PCDH15: variants seen among roughly 807,000 people sequenced by gnomAD.
PCDH15 encodes protocadherin-15.
A neutral mutation model predicts 178.5 loss-of-function variants in PCDH15; 129 were observed. The observed-to-expected ratio is 0.72, with a 90% confidence interval of 0.63 to 0.84. The LOEUF is 0.84. PCDH15 is among the 40% of genes least tolerant of loss of function. PCDH15 has a pLI of 0.00. For synonymous variants in PCDH15, 800 were observed against 732.0 expected, an observed-to-expected ratio of 1.09 and a Z score of -1.50; for missense variants, 2,230 against 2,099.9, an observed-to-expected ratio of 1.06 and a Z score of -1.21.
rs187462223 is a variant in PCDH15, at chr10:55,538,328, A to T, written c.-156+89297T>A. On this transcript the variant is annotated intron_variant, in intron 2 of 5. Transcript: ENST00000613346. ...TCACTCCTCCCCATCCAGACTAAATAGAGTTTTTCATAGACAAAAATGTTC... is the reference window on the plus strand; with the variant it reads ...TCACTCCTCCCCATCCAGACTAAATTGAGTTTTTCATAGACAAAAATGTTC... Among the ~76,000 whole-genome samples the T allele has an allele frequency of 4.5e-4, 68 of 152,344 alleles. 1 individual carries two copies. Among genetic ancestry groups the T allele is most frequent in the Non-Finnish European group, 7.6e-4 (52 of 68,028 alleles).
intron 2 of PCDH15, among the ~76,000 whole-genome samples, chr10:55,625,149 T>G (rs1459258541): frequency 6.6e-6 from 1 of 152,068 alleles, no homozygotes; most frequent in African/African-American, 2.4e-5. Flanking sequence ...TAACTTAAGA[T>G]TTTAATAATG....
intron 3 of PCDH15, among the ~76,000 whole-genome samples, chr10:54,815,731 T>C (rs575341232): frequency 6.6e-6 from 1 of 152,172 alleles, no homozygotes; most frequent in Non-Finnish European, 1.5e-5. Context: ...AAAAGTGGAA[T>C]TGCTTAATAT....
At chr10:53,816,530 TTAA>T (rs1311311374) in intron 34 of PCDH15, among the ~76,000 whole-genome samples, 7 of 152,210 alleles carry the variant, frequency 4.6e-5, no homozygotes, top group African/African-American at 1.4e-4. Context: ...TTTAATAGCC[TTAA>T]TAAACAGGAA....
chr10:55,602,587 C>T (rs1245129042), intron 2 of PCDH15, among the ~76,000 whole-genome samples: 3 of 152,030 alleles, frequency 2.0e-5, no homozygotes, highest in Non-Finnish European at 4.4e-5. Flanking sequence ...ACCGCTGACC[C>T]CCGAGCAGCC....
intron 32 of PCDH15, chr10:53,822,220 G>GA (rs1381184694): frequency 6.2e-7 from 1 of 1,613,994 alleles, no homozygotes; most frequent in Non-Finnish European, 8.5e-7. Context: ...TCTGTGGACA[G>GA]AAATGAAGCT....
chr10:53,961,063 T>C (rs2088252126), intron 22 of PCDH15, among the ~76,000 whole-genome samples: 1 of 152,078 alleles, frequency 6.6e-6, no homozygotes, highest in African/African-American at 2.4e-5. Context: ...TGAAGAAAAG[T>C]AAAATTTGAC....
At chr10:55,001,536 T>C (rs991479562) in intron 2 of PCDH15, among the ~76,000 whole-genome samples, 5 of 152,138 alleles carry the variant, frequency 3.3e-5, no homozygotes, top group African/African-American at 1.2e-4. Context: ...CTGTCAGTGG[T>C]ATGCCTGTTC....
At chr10:54,858,288 C>T (rs151143205) in intron 3 of PCDH15, among the ~76,000 whole-genome samples, 6 of 152,264 alleles carry the variant, frequency 3.9e-5, no homozygotes, top group South Asian at 2.1e-4. Flanking sequence ...ATACATACTA[C>T]GATATCTTTG....
At chr10:54,560,495 T>TC (rs2087968244) in intron 2 of PCDH15, among the ~76,000 whole-genome samples, 1 of 152,074 alleles carries the variant, frequency 6.6e-6, no homozygotes, top group Non-Finnish European at 1.5e-5. Context: ...TTTTTTTATG[T>TC]ACAACACTTT....
At chr10:54,134,891 G>A (rs1438722098) in intron 14 of PCDH15, among the ~76,000 whole-genome samples, 2 of 151,746 alleles carry the variant, frequency 1.3e-5, no homozygotes, top group Non-Finnish European at 2.9e-5. Flanking sequence ...AGAATAGTAA[G>A]CATAAAAGCT....
intron 11 of PCDH15, among the ~76,000 whole-genome samples, chr10:54,187,731 TTTG>T (rs1193970172): frequency 6.6e-6 from 1 of 151,854 alleles, no homozygotes; most frequent in Non-Finnish European, 1.5e-5. Context: ...CTCATTCTGT[TTTG>T]TTTAGTTAAT....
chr10:55,578,967 T>C (rs1163625805), intron 2 of PCDH15, among the ~76,000 whole-genome samples: 1 of 152,120 alleles, frequency 6.6e-6, no homozygotes, highest in Non-Finnish European at 1.5e-5. Context: ...CAAGATGAGA[T>C]TTGGGTGGAG....
At chr10:53,884,459 T>C (rs1056722188) in intron 26 of PCDH15, among the ~76,000 whole-genome samples, 8 of 152,148 alleles carry the variant, frequency 5.3e-5, no homozygotes, top group African/African-American at 1.4e-4. Flanking sequence ...GCAGAACATA[T>C]AGTCTTTAAC....
intron 3 of PCDH15, among the ~76,000 whole-genome samples, chr10:54,509,393 GT>G (rs2081446073): frequency 6.6e-6 from 1 of 152,104 alleles, no homozygotes; most frequent in Admixed American, 6.6e-5. Context: ...CATGAAAGAT[GT>G]GCTTTTTGTC....
At chr10:54,705,577 T>A (rs2132286670) in intron 1 of PCDH15, among the ~76,000 whole-genome samples, 1 of 152,282 alleles carries the variant, frequency 6.6e-6, no homozygotes, top group South Asian at 2.1e-4. Flanking sequence ...TACAACCTTT[T>A]GAATTTGTTT....
At chr10:54,753,985 T>TTA (rs1566134806) in intron 1 of PCDH15, among the ~76,000 whole-genome samples, 2 of 125,056 alleles carry the variant, frequency 1.6e-5, no homozygotes, top group Admixed American at 8.1e-5. Context: ...ATTTTTTTTT[T>TTA]TTATTATTAT....
At chr10:54,423,207 T>C (rs1955777976) in intron 3 of PCDH15, among the ~76,000 whole-genome samples, 1 of 152,126 alleles carries the variant, frequency 6.6e-6, no homozygotes, top group South Asian at 2.1e-4. Context: ...CCAAACCAGA[T>C]GCTCCCCCTG....
chr10:54,275,031 T>C (rs1193524292), intron 8 of PCDH15, among the ~76,000 whole-genome samples: 1 of 151,772 alleles, frequency 6.6e-6, no homozygotes, highest in African/African-American at 2.4e-5. Context: ...ATGTGGATCA[T>C]AAAGAAAATA....
chr10:54,499,635 G>C (rs1392994214), intron 3 of PCDH15, among the ~76,000 whole-genome samples: 1 of 152,000 alleles, frequency 6.6e-6, no homozygotes, highest in Admixed American at 6.6e-5. Flanking sequence ...GGAAAACAAA[G>C]ATACAATATG....
Sources: gnomAD v4.1 joint callset for allele counts (sites outside exome capture counted in the v4.1 genomes callset) on GRCh38, gnomAD v4.1.1 for gene constraint, MANE v1.5 for transcripts, NCBI Gene and HGNC (gene_info 2026-07-23, HGNC 2026-07-21) for gene names.